EPHB4: variants seen among roughly 807,000 people sequenced by gnomAD.
EPHB4 encodes EPH receptor B4.
EPHB4 carries 50 observed loss-of-function variants against 110.6 expected under a neutral mutation model. The observed-to-expected ratio is 0.45, with a 90% confidence interval of 0.36 to 0.57. The LOEUF (loss-of-function observed/expected upper bound fraction) is 0.57. EPHB4 is among the 20% of genes least tolerant of loss of function. EPHB4 has a pLI of 0.00. For synonymous variants in EPHB4, 592 were observed against 578.4 expected, an observed-to-expected ratio of 1.02 and a Z score of -0.34; for missense variants, 1,128 against 1,382.1, an observed-to-expected ratio of 0.82 and a Z score of 2.91.
intron 7 of EPHB4, 45 bp downstream of exon 7, chr7:100,818,475 C>T (rs1413408884): frequency 1.2e-5 from 19 of 1,604,188 alleles, no homozygotes; most frequent in Non-Finnish European, 1.6e-5. Context: ...GCCAGGAGAG[C>T]ACAACCCATT....
Position 100,803,431 on chromosome 7 carries a change from G to A in EPHB4, c.*30C>T, listed in dbSNP as rs1183346820. ...ACTCTGCCCCGGAAAATGGGGAGGC[G>A]GTGTCCCTGGGGTGGGGAGTTCCTG... On this transcript the variant is annotated 3_prime_UTR_variant, in exon 17 of 17. Transcript: ENST00000358173. 6.6e-6 allele frequency: 10 copies of A among 1,507,112 alleles called. No individual in the cohort carries two copies. Among genetic ancestry groups the A allele is most frequent in the South Asian group, 1.3e-5 (1 of 77,146 alleles). The allele number at this position is 1,507,112 out of a possible 1,614,324, so 93.4% of individuals were successfully genotyped here. A position where few individuals can be genotyped will look rare whatever the true frequency, so the allele number is the denominator to read the frequency against.
chr7:100,818,622 G>A lies in EPHB4; in HGVS notation c.1320C>T (p.Ile440=). 1 of 1,612,176 alleles carries A rather than the reference G, an allele frequency of 6.2e-7. No homozygotes were observed. Among genetic ancestry groups the A allele is most frequent in the Non-Finnish European group, 8.5e-7 (1 of 1,179,944 alleles). The change falls in exon 7 of 17, where the codon ATC becomes ATT. Residue 440 remains isoleucine, a synonymous_variant. Coordinates refer to ENST00000358173, the MANE Select transcript of EPHB4 (RefSeq NM_004444.5). ...TGCTGGGTGAGGACCGCGTCACCCG[G>A]ATGTCAGACACTGCAGGAGGTACTG... ...DREVPPAVSD[I]RVTRSSPSSL... is the part of the protein sequence containing the mutation.
rs1026773464 is a variant in EPHB4 at position 100,819,411 on chromosome 7, T to C, written c.1297+146A>G. ...AGGCGTGAGCCACTGCGCCCAGCCATTGCCCTCTTTCTGCCTCTTGCCCCC... is the reference window on the plus strand; with the variant it reads ...AGGCGTGAGCCACTGCGCCCAGCCACTGCCCTCTTTCTGCCTCTTGCCCCC... On this transcript the variant is annotated intron_variant, in intron 6 of 16. Transcript: ENST00000358173. 4 of 886,500 alleles carry C rather than the reference T, an allele frequency of 4.5e-6. No individual in the cohort carries two copies. The African/African-American group carries it at 5.0e-5, about 11-fold the overall frequency. 54.9% of individuals were successfully genotyped at this position (886,500 alleles called of 1,614,324 possible).
intron 8 of EPHB4, among the ~76,000 whole-genome samples, chr7:100,815,388 C>T (rs1813044265): frequency 6.6e-6 from 1 of 152,064 alleles, no homozygotes; most frequent in Admixed American, 6.6e-5. Flanking sequence ...CATACATAAA[C>T]CTTGAAAACA....
intron 16 of EPHB4, 64 bp downstream of exon 16, chr7:100,805,102 C>T (rs1232769879): frequency 2.6e-6 from 4 of 1,552,746 alleles, no homozygotes; most frequent in African/African-American, 1.4e-5. Context: ...CCCTGGAGAC[C>T]CCGTGGGCCT....
chr7:100,824,637 A>C (rs1584667790), intron 1 of EPHB4: 1 of 224,048 alleles, frequency 4.5e-6, no homozygotes, highest in South Asian at 7.9e-5. Context: ...CTGGTGTGGG[A>C]GGGGAACCTC....
chr7:100,824,034 C>T lies in EPHB4; in HGVS notation c.124-103G>A, dbSNP rs138910115. ...GAGAGGGACTGAGAAAGGGGGGCTG[C>T]TGGTACTGCGAGGAGGGCGCCTCTG... On this transcript the variant is annotated intron_variant, in intron 2 of 16. Transcript: ENST00000358173. 43 of 1,513,254 alleles carry T rather than the reference C, an allele frequency of 2.8e-5. No homozygotes were observed. In the East Asian group the frequency reaches 9.4e-4, roughly 33 times the overall value. The allele number at this position is 1,513,254 out of a possible 1,614,324, so 93.7% of individuals were successfully genotyped here.
In EPHB4 at chr7:100,807,587, A is replaced by G. The variant is rs1237474651; in HGVS notation, c.2119-7T>C. 1 of 1,611,150 alleles carries G rather than the reference A, an allele frequency of 6.2e-7. No homozygotes were observed. Among genetic ancestry groups the G allele is most frequent in the Admixed American group, 1.7e-5 (1 of 59,916 alleles). ...TGAACTGTCCGTCGTTTAGCTGGAGAGCAGATAGGGTGGGGGCTTGGTGAG... is the reference window on the plus strand; with the variant it reads ...TGAACTGTCCGTCGTTTAGCTGGAGGGCAGATAGGGTGGGGGCTTGGTGAG... On this transcript the variant is annotated splice_polypyrimidine_tract_variant and splice_region_variant and intron_variant, in intron 12 of 16. Coordinates refer to ENST00000358173, the MANE Select transcript of EPHB4 (RefSeq NM_004444.5).
intron 15 of EPHB4, 74 bp from the exon 16 acceptor site, chr7:100,805,395 C>T: frequency 2.5e-6 from 4 of 1,588,894 alleles, no homozygotes; most frequent in African/African-American, 1.3e-5. Flanking sequence ...CCCAGCCTTG[C>T]AGAGGCGGAC....
At chr7:100,818,325 G>C (rs1194455672) in intron 7 of EPHB4, among the ~76,000 whole-genome samples, 195 bp downstream of exon 7, 1 of 152,190 alleles carries the variant, frequency 6.6e-6, no homozygotes. Flanking sequence ...CCAGCTGCTG[G>C]TAACTATTAC....
Position 100,819,628 on chromosome 7 carries a change from A to G in EPHB4, c.1226T>C (p.Leu409Ser), listed in dbSNP as rs943029837. ...CGTGGCTAAGGAGGATACCCCGTTC[A>G]ATGCAGTGACCTCAAAGGTATAGGT... ...DFTYTFEVTA[L>S]NGVSSLATGP... Residue 409 changes from leucine to serine, a missense_variant, in exon 6 of 17, where the codon TTG becomes TCG. Leu to Ser is a moderately radical substitution (Grantham distance 145). Transcript: ENST00000358173. 7 of 1,608,486 alleles carry G rather than the reference A, an allele frequency of 4.4e-6. No homozygotes were observed. Among genetic ancestry groups the G allele is most frequent in the Admixed American group, 1.7e-5 (1 of 59,874 alleles).
At chr7:100,814,679 C>A (rs1813024205) in intron 8 of EPHB4, among the ~76,000 whole-genome samples, 1 of 152,140 alleles carries the variant, frequency 6.6e-6, no homozygotes, top group African/African-American at 2.4e-5. Context: ...AAAACAAAAT[C>A]AGCTATTTCC....
chr7:100,812,134 T>G (rs890127379), intron 12 of EPHB4, among the ~76,000 whole-genome samples: 9 of 150,310 alleles, frequency 6.0e-5, no homozygotes, highest in Non-Finnish European at 1.3e-4. Flanking sequence ...ATCTTGCCAT[T>G]GCACTCCGGC....
chr7:100,822,442 G>A lies in EPHB4; in HGVS notation c.637C>T (p.Arg213Trp), dbSNP rs1369688075. Reference protein sequence around the residue: ...NLTRFPETVPRELVVPVAGSC... With the variant: ...NLTRFPETVPWELVVPVAGSC... ...CCGGCCACGGGCACAACCAGCTCCC[G>A]AGGCACAGTCTCCGGGAATCGAGTC... The change falls in exon 4 of 17, where the codon CGG (arginine) becomes TGG (tryptophan). Residue 213 changes from arginine to tryptophan, a missense_variant. Coordinates refer to ENST00000358173, the MANE Select transcript of EPHB4 (RefSeq NM_004444.5). The surrounding 1 kb of genome is among the most constrained non-coding windows in gnomAD (Gnocchi z 4.7). 8.1e-6 allele frequency: 13 copies of A among 1,604,178 alleles called. No individual in the cohort carries two copies. The highest frequency in any genetic ancestry group is 1.7e-5 in the Admixed American group (1 of 59,424).
At position 100,803,126 on chromosome 7, in the gene EPHB4, A is replaced by T. The variant is rs976393635; in HGVS notation, c.*335T>A. ...ACTCTGGAGCTGGCAAGGGAGTCAC[A>T]CTCTCTTTGGTCTGCGGGAACGCAC... On this transcript the variant is annotated 3_prime_UTR_variant, in exon 17 of 17. Transcript: ENST00000358173. 2.7e-5 allele frequency: 5 copies of T among 182,260 alleles called. No homozygotes were observed. Among genetic ancestry groups the T allele is most frequent in the Non-Finnish European group, 5.7e-5 (5 of 88,434 alleles). 11.3% of individuals were successfully genotyped at this position (182,260 alleles called of 1,614,324 possible).
intron 14 of EPHB4, 70 bp downstream of exon 14, chr7:100,806,350 C>G (rs1436606660): frequency 6.5e-7 from 1 of 1,541,350 alleles, no homozygotes; most frequent in African/African-American, 1.4e-5. Context: ...CTCTGGGAAC[C>G]CACCCTTCAC....
chr7:100,824,403 G>T, intron 1 of EPHB4, 130 bp from the exon 2 acceptor site: 1 of 944,000 alleles, frequency 1.1e-6, no homozygotes, highest in Non-Finnish European at 1.7e-6. Context: ...GCCAAGAGGG[G>T]AGCAAGCCCT....
Position 100,824,471 on chromosome 7 carries a change from A to G in EPHB4, c.53-198T>C, listed in dbSNP as rs528471151. 6.8e-6 allele frequency: 4 copies of G among 589,782 alleles called. No homozygotes were observed. The African/African-American group carries it at 7.5e-5, about 11-fold the overall frequency. The allele number at this position is 589,782 out of a possible 1,614,324, so 36.5% of individuals were successfully genotyped here. A position where few individuals can be genotyped will look rare whatever the true frequency, so the allele number is the denominator to read the frequency against. ...CTGCTAAGTGCCAACCCCACCCCCA[A>G]CATCTGGTAGGCATGGGGCTCCCTT... On this transcript the variant is annotated intron_variant, in intron 1 of 16. Coordinates refer to ENST00000358173, the MANE Select transcript of EPHB4 (RefSeq NM_004444.5).
intron 4 of EPHB4, 196 bp from the exon 5 acceptor site, chr7:100,820,492 C>T (rs1012595931): frequency 1.9e-6 from 1 of 523,872 alleles, no homozygotes; most frequent in Non-Finnish European, 3.1e-6. Flanking sequence ...ATTCCAGCTT[C>T]TTTTAAGGCT....
Sources: allele counts gnomAD v4.1 joint callset (sites outside exome capture counted in the v4.1 genomes callset), GRCh38; gene constraint gnomAD v4.1.1; non-coding constraint Gnocchi (gnomAD v3.1); transcripts MANE v1.5; gene names NCBI Gene and HGNC (gene_info 2026-07-23, HGNC 2026-07-21).